CDH10: variants seen among roughly 807,000 people sequenced by gnomAD.
CDH10 encodes the protein cadherin-10.
In CDH10, 30 loss-of-function variants were observed where a neutral mutation model predicts 73.1. The observed-to-expected ratio is 0.41, with a 90% CI of 0.31 to 0.56. The LOEUF (loss-of-function observed/expected upper bound fraction) is 0.56, where lower values mean the gene tolerates loss of function less well. CDH10 is among the 20% of genes least tolerant of loss of function. The pLI, the probability that CDH10 is intolerant of heterozygous loss-of-function variation, is 0.27. For synonymous variants in CDH10, 345 were observed against 348.2 expected (o/e 0.99, Z 0.10); for missense variants, 815 against 973.7 (o/e 0.84, Z 2.17).
At chr5:24,595,752 T>C (rs1220790667) in intron 1 of CDH10, among the ~76,000 whole-genome samples, 1 of 151,964 alleles carries the variant, frequency 6.6e-6, no homozygotes. Context: ...ATTTCATCTC[T>C]TTTTACATTT....
intron 1 of CDH10, among the ~76,000 whole-genome samples, chr5:24,632,754 C>A (rs1747746987): frequency 6.6e-6 from 1 of 151,864 alleles, no homozygotes; most frequent in Non-Finnish European, 1.5e-5. Flanking sequence ...CCATTTAGGG[C>A]TATTCTGTTA....
intron 1 of CDH10, chr5:24,612,413 T>C (rs978580646): frequency 6.6e-6 from 1 of 152,200 alleles, no homozygotes; most frequent in African/African-American, 2.4e-5. Flanking sequence ...AAAAATTTAT[T>C]GCTTATCACC....
chr5:24,509,143 C>T (rs980264840), intron 7 of CDH10, among the ~76,000 whole-genome samples: 14 of 148,714 alleles, frequency 9.4e-5, no homozygotes, highest in Non-Finnish European at 1.5e-5. Context: ...TCTTCCATCG[C>T]ATTAAATGTT....
chr5:24,502,096 A>AT (rs1404325325), intron 8 of CDH10, among the ~76,000 whole-genome samples: 8 of 150,252 alleles, frequency 5.3e-5, no homozygotes, highest in South Asian at 4.2e-4. Context: ...ATTTTTTTGT[A>AT]TTTTTTTAGT....
intron 1 of CDH10, among the ~76,000 whole-genome samples, chr5:24,635,154 C>T (rs889470081): frequency 6.6e-6 from 1 of 151,854 alleles, no homozygotes; most frequent in African/African-American, 2.4e-5. Context: ...TCAGGGACCT[C>T]GTCTAGGTAA....
chr5:24,560,348 C>CA (rs200493526), intron 2 of CDH10, among the ~76,000 whole-genome samples: 2,488 of 152,108 alleles, frequency 0.016, 41 homozygotes, highest in South Asian at 0.048. Flanking sequence ...ACCACCAACC[C>CA]ACCAAGGCAC....
chr5:24,546,273 C>A (rs575184547), intron 2 of CDH10, among the ~76,000 whole-genome samples: 71 of 151,868 alleles, frequency 4.7e-4, no homozygotes, highest in Non-Finnish European at 6.0e-4. Flanking sequence ...GCCAAGCAAC[C>A]CTAAATTAAA....
intron 5 of CDH10, among the ~76,000 whole-genome samples, chr5:24,529,095 G>A (rs1395029): frequency 0.46 from 70,163 of 151,688 alleles, 16,469 homozygotes; most frequent in East Asian, 0.58. Flanking sequence ...AGTATTTAGT[G>A]CATGCTATAT....
At chr5:24,536,113 T>C (rs1297883538) in intron 3 of CDH10, among the ~76,000 whole-genome samples, 4 of 152,206 alleles carry the variant, frequency 2.6e-5, no homozygotes, top group Non-Finnish European at 4.4e-5. Context: ...AAGTTGGATA[T>C]TGAAATTCAT....
At chr5:24,635,551 T>C (rs1346674112) in intron 1 of CDH10, among the ~76,000 whole-genome samples, 2 of 151,500 alleles carry the variant, frequency 1.3e-5, no homozygotes, top group African/African-American at 2.4e-5. Flanking sequence ...TTCAAGTCTT[T>C]ATGCAACTGA....
At chr5:24,612,330 T>A (rs1473894555) in intron 1 of CDH10, 1 of 152,204 alleles carries the variant, frequency 6.6e-6, no homozygotes, top group East Asian at 1.9e-4. Context: ...AATGCCATAA[T>A]CAGTGTGGTT....
At chr5:24,595,039 T>C (rs1036979241) in intron 1 of CDH10, among the ~76,000 whole-genome samples, 1 of 152,124 alleles carries the variant, frequency 6.6e-6, no homozygotes, top group Non-Finnish European at 1.5e-5. Flanking sequence ...TAGAGATATA[T>C]ATTTTTGAAT....
intron 2 of CDH10, among the ~76,000 whole-genome samples, chr5:24,592,554 A>C (rs1746235603): frequency 6.6e-6 from 1 of 151,878 alleles, no homozygotes; most frequent in Admixed American, 6.6e-5. Flanking sequence ...GTGTAAAAGC[A>C]TTCATTAGTA....
At chr5:24,494,361 G>A (rs934972629) in intron 9 of CDH10, among the ~76,000 whole-genome samples, 1 of 151,746 alleles carries the variant, frequency 6.6e-6, no homozygotes, top group Non-Finnish European at 1.5e-5. Flanking sequence ...GTACTCTTAA[G>A]GATGTCATTT....
chr5:24,528,775 G>T (rs1235002427), intron 5 of CDH10, among the ~76,000 whole-genome samples: 3 of 151,908 alleles, frequency 2.0e-5, no homozygotes, highest in African/African-American at 7.2e-5. Flanking sequence ...AACTAAAGTG[G>T]GATGCATCAA....
At chr5:24,635,635 A>G (rs1477659718) in intron 1 of CDH10, among the ~76,000 whole-genome samples, 3 of 151,814 alleles carry the variant, frequency 2.0e-5, no homozygotes, top group African/African-American at 4.8e-5. Context: ...GTATCCATCA[A>G]TTCCCTAGTT....
At chr5:24,571,636 T>C (rs1745383801) in intron 2 of CDH10, among the ~76,000 whole-genome samples, 1 of 152,120 alleles carries the variant, frequency 6.6e-6, no homozygotes, top group Non-Finnish European at 1.5e-5. Flanking sequence ...ATTTATAATA[T>C]GCTAGACAGA....
intron 1 of CDH10, among the ~76,000 whole-genome samples, chr5:24,625,079 G>A (rs950765283): frequency 1.2e-4 from 18 of 152,136 alleles, no homozygotes; most frequent in Non-Finnish European, 2.4e-4. Flanking sequence ...ATAAATATAG[G>A]AAAATAATGG....
chr5:24,587,849 T>C (rs1746074511), intron 2 of CDH10, among the ~76,000 whole-genome samples: 1 of 152,140 alleles, frequency 6.6e-6, no homozygotes, highest in Non-Finnish European at 1.5e-5. Flanking sequence ...TTTGCTAAAA[T>C]GATATAGTGA....
Sources: allele counts gnomAD v4.1 joint callset (sites outside exome capture counted in the v4.1 genomes callset), GRCh38; gene constraint gnomAD v4.1.1; transcripts MANE v1.5; gene names NCBI Gene and HGNC (gene_info 2026-07-23, HGNC 2026-07-21).